The following RPLP0 variants were observed in gnomAD, a reference collection of about 807,000 sequenced individuals.
RPLP0 encodes the protein ribosomal protein lateral stalk subunit P0.
For missense variants in RPLP0, 276 were observed against 402.9 expected, an observed-to-expected ratio of 0.69 and a Z score of 2.70; for synonymous variants, 137 against 153.4, an observed-to-expected ratio of 0.89 and a Z score of 0.79.
rs146041988 is a variant in RPLP0, at chr12:120,198,626, G to A, written c.579C>T (p.Phe193=). 5.6e-4 allele frequency: 905 copies of A among 1,613,996 alleles called. 6 individuals are homozygous for A. The African/African-American group carries it at 0.011, about 19-fold the overall frequency. ...FSFGLVIQQV[F]DNGSIYNPEV... ...CAGGGTTGTAGATGCTGCCATTGTCGAACACCTGCTGGATGACCAGCCCAA... is the reference window on the plus strand; with the variant it reads ...CAGGGTTGTAGATGCTGCCATTGTCAAACACCTGCTGGATGACCAGCCCAA... The change falls in exon 6 of 8, where the codon TTC becomes TTT. Residue 193 remains phenylalanine (F), a synonymous_variant. Transcript: ENST00000392514. The surrounding 1 kb of genome is among the most constrained non-coding windows in gnomAD (Gnocchi z 4.1).
intron 7 of RPLP0, 157 bp from the exon 8 acceptor site, chr12:120,197,091 T>G (rs772287253): frequency 2.3e-6 from 3 of 1,292,010 alleles, no homozygotes; most frequent in Non-Finnish European, 3.2e-6. Flanking sequence ...GGGTATGGCC[T>G]AGTGAGGCAG....
At position 120,199,197 on chromosome 12, in the gene RPLP0, G is replaced by A. The variant is rs181651041; in HGVS notation, c.239C>T (p.Pro80Leu). The change falls in exon 4 of 8, where the codon CCT becomes CTT. Residue 80 changes from proline to leucine, a missense_variant. Pro to Leu is a moderately conservative substitution (Grantham distance 98, BLOSUM62 -3). Coordinates refer to ENST00000392514, the MANE Select transcript of RPLP0 (RefSeq NM_001002.4). ...ENNPALEKLL[P>L]HIRGNVGFVF... is the part of the protein sequence containing the mutation. Reference sequence around the variant, plus strand: ...AAAGCCCACATTCCCCCGGATATGAGGCAGCAGTCTGCAAAGAGAAGTTTA... The same window carrying A: ...AAAGCCCACATTCCCCCGGATATGAAGCAGCAGTCTGCAAAGAGAAGTTTA... The A allele has an allele frequency of 3.7e-6, 6 of 1,613,926 alleles. No homozygotes were observed. In the Admixed American group the frequency reaches 6.7e-5, roughly 18 times the overall value.
chr12:120,199,296 C>A lies in RPLP0; in HGVS notation c.230+14G>T. 6.2e-7 allele frequency: 1 copy of A among 1,613,986 alleles called. No individual in the cohort carries two copies. Among genetic ancestry groups the A allele is most frequent in the Non-Finnish European group, 8.5e-7 (1 of 1,179,882 alleles). On this transcript the variant is annotated intron_variant, in intron 3 of 7. Transcript: ENST00000392514. ...GCACTGGGGAGAAAGGACAAAACTGCCAGGGGAACTGACTTCTCCAGAGCT... is the reference window on the plus strand; with the variant it reads ...GCACTGGGGAGAAAGGACAAAACTGACAGGGGAACTGACTTCTCCAGAGCT...
In RPLP0 at chr12:120,199,675, G is replaced by A. The variant is rs1879333262; in HGVS notation, c.55-190C>T. 6 of 586,308 alleles carry A rather than the reference G, an allele frequency of 1.0e-5. No individual in the cohort carries two copies. In the South Asian group the frequency reaches 1.1e-4, roughly 11 times the overall value. 36.3% of individuals were successfully genotyped at this position (586,308 alleles called of 1,614,324 possible). The stretch of plus-strand genomic sequence containing the variant: ...GATTGGCTAGCTGGGTATGAACGCT[G>A]AAAATTAGGTTTCTACATTCAATCA... On this transcript the variant is annotated intron_variant, in intron 2 of 7. Transcript: ENST00000392514.
Position 120,198,514 on chromosome 12 carries a change from A to C in RPLP0, c.651+40T>G. Reference sequence around the variant, plus strand: ...TCAGTCTGAACCTTGTCATGCTCTCAACCATCAGTGTAAGAGGGGGCAAGG... The same window carrying C: ...TCAGTCTGAACCTTGTCATGCTCTCCACCATCAGTGTAAGAGGGGGCAAGG... On this transcript the variant is annotated intron_variant, in intron 6 of 7. Coordinates refer to ENST00000392514, the MANE Select transcript of RPLP0 (RefSeq NM_001002.4). This position sits in a 1 kb window ranked among gnomAD's most constrained non-coding sequence, Gnocchi z 4.1. 6.2e-7 allele frequency: 1 copy of C among 1,612,166 alleles called. No homozygotes were observed. The highest frequency in any genetic ancestry group is 8.5e-7 in the Non-Finnish European group (1 of 1,178,390).
At position 120,198,944 on chromosome 12, in the gene RPLP0, G is replaced by T; in HGVS notation, c.375C>A (p.Ala125=). ...AIAPCEVTVP[A]QNTGLGPEKT... ...TCTCGGGCCCGAGACCAGTGTTCTG[G>T]GCTGGCACAGTGACTTCACATGGGG... The change falls in exon 5 of 8, where the codon GCC becomes GCA. Residue 125 remains alanine, a synonymous_variant. Coordinates refer to ENST00000392514, the MANE Select transcript of RPLP0 (RefSeq NM_001002.4). This position sits in a 1 kb window ranked among gnomAD's most constrained non-coding sequence, Gnocchi z 4.1. 6.2e-7 allele frequency: 1 copy of T among 1,613,750 alleles called. No individual in the cohort carries two copies. Among genetic ancestry groups the T allele is most frequent in the Non-Finnish European group, 8.5e-7 (1 of 1,179,738 alleles).
chr12:120,199,480 T>C lies in RPLP0; in HGVS notation c.60A>G (p.Leu20=), dbSNP rs1426979442. The C allele has an allele frequency of 1.9e-6, 3 of 1,613,602 alleles. No homozygotes were observed. Among genetic ancestry groups the C allele is most frequent in the Non-Finnish European group, 2.5e-6 (3 of 1,179,910 alleles). The change falls in exon 3 of 8, where the codon CTA becomes CTG. Residue 20 remains leucine, a synonymous_variant. Transcript: ENST00000392514. ...TGAAACATTTCGGATAATCATCCAA[T>C]AGTTGCTACAAAAAACAAGCCAGAG... ...KSNYFLKIIQ[L]LDDYPKCFIV...
intron 2 of RPLP0, chr12:120,199,897 G>C (rs1227428273): frequency 2.5e-6 from 1 of 393,468 alleles, no homozygotes; most frequent in Non-Finnish European, 5.1e-6. Context: ...CAATCTAGGC[G>C]TGTTTATCCG....
chr12:120,200,977 G>A (rs1879436832), intron 1 of RPLP0, 106 bp downstream of exon 1: 3 of 941,334 alleles, frequency 3.2e-6, no homozygotes, highest in Non-Finnish European at 3.1e-6. Flanking sequence ...CCGCCACCGA[G>A]GCCCCAGGCG....
chr12:120,199,596 C>CT, intron 2 of RPLP0, 111 bp from the exon 3 acceptor site: 2 of 1,158,882 alleles, frequency 1.7e-6, no homozygotes, highest in Non-Finnish European at 2.4e-6. Flanking sequence ...TTCTTCTAAG[C>CT]TTTTGAAGTC....
At chr12:120,200,907 C>A in intron 1 of RPLP0, 76 bp from the exon 2 acceptor site, 1 of 1,449,854 alleles carries the variant, frequency 6.9e-7, no homozygotes, top group Non-Finnish European at 9.1e-7. Flanking sequence ...AGGAGCAGGA[C>A]ACGCGCAATC....
At position 120,200,780 on chromosome 12, in the gene RPLP0, G is replaced by A. The variant is rs888835947; in HGVS notation, c.4C>T (p.Pro2Ser). Residue 2 changes from proline (P) to serine (S), a missense_variant, in exon 2 of 8, where the codon CCC (proline) becomes TCC (serine). Physicochemically the swap from Pro to Ser is moderately conservative, Grantham distance 74. Transcript: ENST00000392514. MPREDRATWKSN... is the reference protein window; with the variant it reads MSREDRATWKSN... ...TTCCAGGTCGCCCTGTCTTCCCTGG[G>A]CATCACGGCGGTGCGTCAGGGATTG... 1 of 1,610,854 alleles carries A rather than the reference G, an allele frequency of 6.2e-7. No homozygotes were observed. The highest frequency in any genetic ancestry group is 8.5e-7 in the Non-Finnish European group (1 of 1,179,256).
chr12:120,200,731 A>C lies in RPLP0; in HGVS notation c.53T>G (p.Ile18Ser). The change falls in exon 2 of 8, where the codon ATC becomes AGC. Residue 18 changes from isoleucine to serine, a missense_variant and splice_region_variant. By Grantham distance (142) the Ile-to-Ser change is moderately radical. Transcript: ENST00000392514. ...AGAGGCGACCCACCCTGCACTTACG[A>C]TGATCTTAAGGAAGTAGTTGGACTT... is the stretch of plus-strand genomic sequence containing the variant. ...TWKSNYFLKI[I>S]QLLDDYPKCF... is the part of the protein sequence containing the mutation. The C allele has an allele frequency of 6.2e-7, 1 of 1,611,038 alleles. No homozygotes were observed. The highest frequency in any genetic ancestry group is 2.2e-5 in the East Asian group (1 of 44,830).
At chr12:120,200,063 A>T (rs1405375563) in intron 2 of RPLP0, 1 of 455,998 alleles carries the variant, frequency 2.2e-6, no homozygotes, top group African/African-American at 2.0e-5. Context: ...GCCATCCAAA[A>T]GTCATTGGAC....
chr12:120,199,260 G>C (rs373352188), intron 3 of RPLP0, 50 bp downstream of exon 3: 2 of 1,613,062 alleles, frequency 1.2e-6, no homozygotes, highest in African/African-American at 2.7e-5. Context: ...TCTCCAGGAA[G>C]AGGGAGACGG....
In RPLP0 at chr12:120,200,764, G is replaced by A. The variant is rs1879421406; in HGVS notation, c.20C>T (p.Ala7Val). 4 of 1,611,130 alleles carry A rather than the reference G, an allele frequency of 2.5e-6. No homozygotes were observed. The highest frequency in any genetic ancestry group is 2.7e-5 in the African/African-American group (2 of 74,866). Residue 7 changes from alanine (A) to valine (V), a missense_variant, in exon 2 of 8, where the codon GCG becomes GTG. Coordinates refer to ENST00000392514, the MANE Select transcript of RPLP0 (RefSeq NM_001002.4). MPREDRATWKSNYFLKI... is the reference protein window; with the variant it reads MPREDRVTWKSNYFLKI... ...AAGGAAGTAGTTGGACTTCCAGGTC[G>A]CCCTGTCTTCCCTGGGCATCACGGC...
intron 2 of RPLP0, 144 bp from the exon 3 acceptor site, chr12:120,199,629 T>G: frequency 1.3e-6 from 1 of 773,548 alleles, no homozygotes; most frequent in Non-Finnish European, 2.0e-6. Context: ...GGAGCTACGT[T>G]GTAACACTGC....
intron 2 of RPLP0, chr12:120,200,176 A>C (rs1594300140): frequency 2.2e-6 from 1 of 451,582 alleles, no homozygotes; most frequent in South Asian, 1.6e-5. Context: ...GTAAAACTGT[A>C]ATGTGCGGCC....
chr12:120,199,172 A>G lies in RPLP0; in HGVS notation c.264T>C (p.Phe88=). Residue 88 remains phenylalanine, a synonymous_variant, in exon 4 of 8, where the codon TTT becomes TTC. Transcript: ENST00000392514. Reference sequence around the variant, plus strand: ...CAGTGAGGTCCTCCTTGGTGAACACAAAGCCCACATTCCCCCGGATATGAG... The same window carrying G: ...CAGTGAGGTCCTCCTTGGTGAACACGAAGCCCACATTCCCCCGGATATGAG... ...LLPHIRGNVG[F]VFTKEDLTEI... is the part of the protein sequence containing the mutation. The G allele has an allele frequency of 6.2e-7, 1 of 1,614,172 alleles. No individual in the cohort carries two copies. Among genetic ancestry groups the G allele is most frequent in the Non-Finnish European group, 8.5e-7 (1 of 1,179,984 alleles).
Sources: gnomAD v4.1 joint callset for allele counts on GRCh38, gnomAD v4.1.1 for gene constraint, Gnocchi (gnomAD v3.1) non-coding constraint, MANE v1.5 for transcripts, NCBI Gene and HGNC (gene_info 2026-07-23, HGNC 2026-07-21) for gene names.